ME2: variants seen among roughly 807,000 people sequenced by gnomAD.
ME2 encodes the protein malic enzyme 2.
ME2 carries 60 observed loss-of-function variants against 73.7 expected under a neutral mutation model. The ratio of observed to expected loss-of-function variants is 0.81; its 90% CI spans 0.66 to 1.01. The LOEUF (loss-of-function observed/expected upper bound fraction) is 1.01, where lower values mean the gene tolerates loss of function less well. Among genes scored for constraint, ME2 ranks in the 50% least tolerant of loss-of-function variants. The pLI is 0.00. For synonymous variants in ME2, 199 were observed against 236.9 expected, an observed-to-expected ratio of 0.84 and a Z score of 1.47; for missense variants, 594 against 705.5, an observed-to-expected ratio of 0.84 and a Z score of 1.79.
At chr18:50,925,005 C>A (rs1418039568) in intron 11 of ME2, among the ~76,000 whole-genome samples, 5 of 151,950 alleles carry the variant, frequency 3.3e-5, no homozygotes, top group Non-Finnish European at 5.9e-5. Flanking sequence ...CACTCCCCAC[C>A]CCCTAACAAC....
At chr18:50,909,585 G>C (rs1917098439) in intron 3 of ME2, among the ~76,000 whole-genome samples, 1 of 152,164 alleles carries the variant, frequency 6.6e-6, no homozygotes, top group African/African-American at 2.4e-5. Context: ...TTAAGTATAG[G>C]AGATTATTGG....
intron 14 of ME2, 65 bp downstream of exon 14, chr18:50,939,705 T>C: frequency 2.7e-6 from 3 of 1,118,150 alleles, no homozygotes; most frequent in Non-Finnish European, 4.0e-6. Flanking sequence ...GATCTGAAAA[T>C]TAAAGGCAGA....
At chr18:50,933,114 G>A (rs1475992268) in intron 13 of ME2, 1 of 151,984 alleles carries the variant, frequency 6.6e-6, no homozygotes, top group Non-Finnish European at 1.5e-5. Flanking sequence ...TACTTTTAAA[G>A]CAAAAATGGT....
intron 5 of ME2, chr18:50,917,028 T>C (rs1917302197): frequency 5.5e-6 from 1 of 180,670 alleles, no homozygotes. Context: ...TCTCTTATGG[T>C]AATCTCTCCA....
chr18:50,918,208 T>C lies in ME2; in HGVS notation c.729T>C (p.Thr243=). The change falls in exon 7 of 16, where the codon ACT becomes ACC. Residue 243 remains threonine, a synonymous_variant. Coordinates refer to ENST00000321341, the MANE Select transcript of ME2 (RefSeq NM_002396.5). ...TTGATGAGTTTATGAAAGCTATTAC[T>C]GACAGGTATTTTTTAAAAGTTTGAG... ...DLIDEFMKAI[T]DRYGRNTLIQ... is the part of the protein sequence containing the mutation. 1 of 1,595,118 alleles carries C rather than the reference T, an allele frequency of 6.3e-7. No individual in the cohort carries two copies. Among genetic ancestry groups the C allele is most frequent in the Non-Finnish European group, 8.6e-7 (1 of 1,167,630 alleles).
intron 10 of ME2, among the ~76,000 whole-genome samples, chr18:50,923,067 T>A (rs1917467609): frequency 6.6e-6 from 1 of 152,220 alleles, no homozygotes; most frequent in East Asian, 1.9e-4. Context: ...CTTCTGGCTT[T>A]GTGGCATTAC....
Position 50,879,130 on chromosome 18 carries a change from C to G in ME2, c.-191C>G, listed in dbSNP as rs1916244965. The G allele has an allele frequency of 6.6e-6, 1 of 152,288 alleles. No individual in the cohort carries two copies. Among genetic ancestry groups the G allele is most frequent in the African/African-American group, 2.4e-5 (1 of 41,464 alleles). 9.4% of individuals were successfully genotyped at this position (152,288 alleles called of 1,614,324 possible). The stretch of plus-strand genomic sequence containing the variant: ...CGCGCCCTCCCCTCTCTCGGCCGCT[C>G]TTCGGGCCGCCTCTGCGTGTGGGGC... On this transcript the variant is annotated 5_prime_UTR_variant, in exon 1 of 16. Coordinates refer to ENST00000321341, the MANE Select transcript of ME2 (RefSeq NM_002396.5).
intron 11 of ME2, among the ~76,000 whole-genome samples, chr18:50,924,635 A>G (rs1917503133): frequency 6.6e-6 from 1 of 151,812 alleles, no homozygotes; most frequent in Admixed American, 6.6e-5. Flanking sequence ...AGAAAATGTA[A>G]AAGTGTTTAA....
chr18:50,930,856 G>T (rs1021893992), intron 12 of ME2, among the ~76,000 whole-genome samples: 4 of 152,148 alleles, frequency 2.6e-5, no homozygotes, highest in Non-Finnish European at 5.9e-5. Context: ...GTAATGTTTA[G>T]AACAGATAGA....
Position 50,883,650 on chromosome 18 carries a change from A to T in ME2, c.-13+4342A>T, listed in dbSNP as rs190198001. Among the ~76,000 whole-genome samples, 501 of 152,168 alleles carry T rather than the reference A, an allele frequency of 3.3e-3. 3 individuals are homozygous for T. Among genetic ancestry groups the T allele is most frequent in the African/African-American group, 0.012 (483 of 41,522 alleles). On this transcript the variant is annotated intron_variant, in intron 1 of 15. Coordinates refer to ENST00000321341, the MANE Select transcript of ME2 (RefSeq NM_002396.5). The stretch of plus-strand genomic sequence containing the variant: ...GGCCGAGGCGGGCGGATCACCTGAG[A>T]TCAGGAGTTTGAGACCAGCCTGGCC...
chr18:50,909,934 T>C (rs978931544), intron 3 of ME2, among the ~76,000 whole-genome samples: 1 of 152,096 alleles, frequency 6.6e-6, no homozygotes, highest in Non-Finnish European at 1.5e-5. Flanking sequence ...TCTCCGAAGC[T>C]GGAATAAACA....
Position 50,908,155 on chromosome 18 carries a change from A to T in ME2, c.201A>T (p.Arg67=). 6.2e-7 allele frequency: 1 copy of T among 1,605,504 alleles called. No homozygotes were observed. The highest frequency in any genetic ancestry group is 8.5e-7 in the Non-Finnish European group (1 of 1,176,920). Residue 67 remains arginine, a synonymous_variant, in exon 3 of 16, where the codon CGA becomes CGT. Transcript: ENST00000321341. ...AGACACAAGATATTCAAGCCTTACG[A>T]TTTCATAGAAACTTGAAGAAAATGA... ...KIETQDIQAL[R]FHRNLKKMTS...
intron 13 of ME2, chr18:50,935,835 A>G (rs539489945): frequency 1.4e-4 from 22 of 151,968 alleles, no homozygotes; most frequent in African/African-American, 4.8e-4. Context: ...AATATCTCAG[A>G]AGAAGCAATC....
rs978795771 is a variant in ME2 at position 50,948,167 on chromosome 18, TTAG to T, written c.*988_*990del. The T allele has an allele frequency of 2.6e-5, 4 of 152,212 alleles. No homozygotes were observed. The highest frequency in any genetic ancestry group is 2.6e-4 in the Admixed American group (4 of 15,282). 9.4% of individuals were successfully genotyped at this position (152,212 alleles called of 1,614,324 possible). On this transcript the variant is annotated 3_prime_UTR_variant, in exon 16 of 16. Transcript: ENST00000321341. The stretch of plus-strand genomic sequence containing the variant: ...TATGATACTGTTTCTTTGAATATCA[TTAG>T]TAGTGACAACTCTTTCTCCATTGAA...
In ME2 at chr18:50,948,307, A is replaced by G. The variant is rs567322318; in HGVS notation, c.*1123A>G. ...TTTTAATCCCAGTAAAATGGGTAATAATGGCTATCCAGAACAGTTTTCTTG... is the reference window on the plus strand; with the variant it reads ...TTTTAATCCCAGTAAAATGGGTAATGATGGCTATCCAGAACAGTTTTCTTG... On this transcript the variant is annotated 3_prime_UTR_variant, in exon 16 of 16. Coordinates refer to ENST00000321341, the MANE Select transcript of ME2 (RefSeq NM_002396.5). 1.4e-4 allele frequency: 21 copies of G among 152,304 alleles called. No homozygotes were observed. Among genetic ancestry groups the G allele is most frequent in the African/African-American group, 4.3e-4 (18 of 41,564 alleles). 9.4% of individuals were successfully genotyped at this position (152,304 alleles called of 1,614,324 possible).
At chr18:50,909,389 G>T (rs531690366) in intron 3 of ME2, among the ~76,000 whole-genome samples, 1 of 152,166 alleles carries the variant, frequency 6.6e-6, no homozygotes, top group Non-Finnish European at 1.5e-5. Flanking sequence ...TGAGAAAAAG[G>T]TACAAGCAGA....
At chr18:50,938,653 A>G (rs1403928529) in intron 13 of ME2, among the ~76,000 whole-genome samples, 2 of 152,194 alleles carry the variant, frequency 1.3e-5, no homozygotes, top group Non-Finnish European at 2.9e-5. Flanking sequence ...AACTAGGAAA[A>G]GTTGTATTTG....
intron 13 of ME2, among the ~76,000 whole-genome samples, chr18:50,937,103 CAAGAT>C (rs771044397): frequency 2.7e-4 from 40 of 150,812 alleles, no homozygotes; most frequent in Non-Finnish European, 4.7e-4. Flanking sequence ...ATAGGCAAGA[CAAGAT>C]GAGATGAGAG....
intron 13 of ME2, among the ~76,000 whole-genome samples, chr18:50,936,768 C>A (rs1011195349): frequency 2.6e-5 from 4 of 151,726 alleles, no homozygotes; most frequent in Non-Finnish European, 5.9e-5. Flanking sequence ...TCTACACACA[C>A]AAAAAAAATT....
Sources: allele counts gnomAD v4.1 joint callset (sites outside exome capture counted in the v4.1 genomes callset), GRCh38; gene constraint gnomAD v4.1.1; transcripts MANE v1.5; gene names NCBI Gene and HGNC (gene_info 2026-07-23, HGNC 2026-07-21).